TMEM192: variants seen among roughly 807,000 people sequenced by gnomAD.
The protein encoded by TMEM192 is transmembrane protein 192.
TMEM192 carries 20 observed loss-of-function variants against 26.7 expected under a neutral mutation model. The observed-to-expected ratio is 0.75, with a 90% CI of 0.53 to 1.09. The LOEUF (loss-of-function observed/expected upper bound fraction) is 1.09. Among genes scored for constraint, TMEM192 ranks in the 50% least tolerant of loss-of-function variants. The pLI is 0.00. For missense variants in TMEM192, 304 were observed against 322.6 expected (o/e 0.94, Z 0.44); for synonymous variants, 124 against 121.0 (o/e 1.02, Z -0.16).
Position 165,100,654 on chromosome 4 carries a change from CT to C in TMEM192, c.412del (p.Arg138AspfsTer4). On this transcript the variant is annotated frameshift_variant, in exon 3 of 6. Coordinates refer to ENST00000306480, the MANE Select transcript of TMEM192 (RefSeq NM_001100389.2). LOFTEE classifies it high-confidence loss of function. The part of the protein sequence containing the change: ...LIYRSTRHLK[R>X]LALMIQSSGN... ...AGAGGACTGTATCATCAACGCAAGTCTCTTGAGATGCCTTGTTGATCGGTAG... is the reference window on the plus strand; with the variant it reads ...AGAGGACTGTATCATCAACGCAAGTCCTTGAGATGCCTTGTTGATCGGTAG... 6.2e-7 allele frequency: 1 copy of C among 1,614,174 alleles called. No homozygotes were observed. The highest frequency in any genetic ancestry group is 8.5e-7 in the Non-Finnish European group (1 of 1,180,024).
At position 165,079,661 on chromosome 4, in the gene TMEM192, C is replaced by A. The variant is rs750614559; in HGVS notation, c.813G>T (p.Thr271=). 1 of 1,609,192 alleles carries A rather than the reference C, an allele frequency of 6.2e-7. No homozygotes were observed. The highest frequency in any genetic ancestry group is 8.5e-7 in the Non-Finnish European group (1 of 1,177,596). Residue 271 remains threonine (T), a synonymous_variant, in exon 6 of 6, where the codon ACG becomes ACT. Coordinates refer to ENST00000306480, the MANE Select transcript of TMEM192 (RefSeq NM_001100389.2). ...SSDLGCQPSR[T] ...TGCTGTCATGACCGTGAGCCTCTCA[C>A]GTTCTACTTGGCTGACAGCCCAGGT...
rs574351082 is a variant in TMEM192, at chr4:165,105,900, C to A, written c.28-2804G>T. Among the ~76,000 whole-genome samples the A allele has an allele frequency of 3.6e-4, 55 of 152,218 alleles. 1 individual carries two copies. The highest frequency in any genetic ancestry group is 6.5e-4 in the Non-Finnish European group (44 of 68,002). On this transcript the variant is annotated intron_variant, in intron 1 of 5. Transcript: ENST00000306480. Reference sequence around the variant, plus strand: ...GGGAAGTAATTAAGCCATGAGGGTTCCCCCCCTCATAAATGAGATCAGTGC... The same window carrying A: ...GGGAAGTAATTAAGCCATGAGGGTTACCCCCCTCATAAATGAGATCAGTGC...
In TMEM192 at chr4:165,075,606, G is replaced by A. The variant is rs1734359467; in HGVS notation, c.*4052C>T. 7.0e-6 allele frequency: 1 copy of A among 142,284 alleles called. No homozygotes were observed. The highest frequency in any genetic ancestry group is 7.5e-5 in the Admixed American group (1 of 13,412). 8.8% of individuals were successfully genotyped at this position (142,284 alleles called of 1,614,324 possible). On this transcript the variant is annotated 3_prime_UTR_variant, in exon 6 of 6. Coordinates refer to ENST00000306480, the MANE Select transcript of TMEM192 (RefSeq NM_001100389.2). ...TTTTTTTTGAGATGGAGCCTGCTCT[G>A]TGGCCCAGGCTAGAGTACAGTGGCG...
intron 3 of TMEM192, among the ~76,000 whole-genome samples, chr4:165,095,644 C>T (rs962115796): frequency 2.6e-5 from 4 of 152,276 alleles, no homozygotes; most frequent in Admixed American, 2.0e-4. Flanking sequence ...CACTTTTAGG[C>T]CCCAGAGAGA....
chr4:165,101,348 G>A (rs554694720), intron 2 of TMEM192, among the ~76,000 whole-genome samples: 5 of 151,836 alleles, frequency 3.3e-5, no homozygotes, highest in South Asian at 4.2e-4. Context: ...ATGTATTTTC[G>A]TTTTGTTTTG....
intron 3 of TMEM192, among the ~76,000 whole-genome samples, 176 bp from the exon 4 acceptor site, chr4:165,088,778 C>T (rs770681901): frequency 2.6e-5 from 4 of 152,014 alleles, no homozygotes; most frequent in Non-Finnish European, 5.9e-5. Context: ...GTGGCTCACA[C>T]CTGTAATGTC....
At chr4:165,086,420 T>TAC (rs1734617907) in intron 4 of TMEM192, among the ~76,000 whole-genome samples, 1 of 4,196 alleles carries the variant, frequency 2.4e-4, no homozygotes, top group Non-Finnish European at 1.9e-3. Context: ...CATTTACACT[T>TAC]TTTTTTTTTT....
At chr4:165,097,320 C>T (rs1038987568) in intron 3 of TMEM192, among the ~76,000 whole-genome samples, 4 of 151,956 alleles carry the variant, frequency 2.6e-5, no homozygotes, top group Non-Finnish European at 5.9e-5. Flanking sequence ...CGGTGAAACC[C>T]CGTCTCTACT....
At position 165,075,884 on chromosome 4, in the gene TMEM192, T is replaced by C. The variant is rs1734368912; in HGVS notation, c.*3774A>G. On this transcript the variant is annotated 3_prime_UTR_variant, in exon 6 of 6. Transcript: ENST00000306480. ...CACCCGACCCAAATTTTTAATATTT[T>C]TGTACTAAAAAATAGTGGCATGCAT... is the stretch of plus-strand genomic sequence containing the variant. 1 of 152,186 alleles carries C rather than the reference T, an allele frequency of 6.6e-6. No homozygotes were observed. The highest frequency in any genetic ancestry group is 2.1e-4 in the South Asian group (1 of 4,816). 9.4% of individuals were successfully genotyped at this position (152,186 alleles called of 1,614,324 possible).
intron 3 of TMEM192, among the ~76,000 whole-genome samples, chr4:165,091,789 A>G (rs1734770742): frequency 6.6e-6 from 1 of 152,194 alleles, no homozygotes; most frequent in Non-Finnish European, 1.5e-5. Context: ...AGAATTATTG[A>G]CAATTACTTC....
In TMEM192 at chr4:165,078,533, C is replaced by T. The variant is rs1203533065; in HGVS notation, c.*1125G>A. Reference sequence around the variant, plus strand: ...GGCTTTAAAAGGTATCTTTTTTTTACAGTAATTTAAAATTATAGAAGATGC... The same window carrying T: ...GGCTTTAAAAGGTATCTTTTTTTTATAGTAATTTAAAATTATAGAAGATGC... On this transcript the variant is annotated 3_prime_UTR_variant, in exon 6 of 6. Transcript: ENST00000306480. The T allele has an allele frequency of 1.3e-5, 2 of 151,916 alleles. No individual in the cohort carries two copies. The highest frequency in any genetic ancestry group is 1.9e-4 in the East Asian group (1 of 5,184). 9.4% of individuals were successfully genotyped at this position (151,916 alleles called of 1,614,324 possible). A position where few individuals can be genotyped will look rare whatever the true frequency, so the allele number is the denominator to read the frequency against.
chr4:165,094,435 G>T (rs2110768462), intron 3 of TMEM192, among the ~76,000 whole-genome samples: 1 of 152,226 alleles, frequency 6.6e-6, no homozygotes, highest in East Asian at 1.9e-4. Flanking sequence ...GGCTGGCGGT[G>T]GCTCCTGAGG....
chr4:165,111,406 G>A (rs1435970046), intron 1 of TMEM192, among the ~76,000 whole-genome samples: 1 of 152,184 alleles, frequency 6.6e-6, no homozygotes, highest in Non-Finnish European at 1.5e-5. Flanking sequence ...AGGCTCCAGT[G>A]TTTGAGGAAG....
intron 4 of TMEM192, among the ~76,000 whole-genome samples, chr4:165,086,674 T>C (rs1734624959): frequency 2.0e-5 from 3 of 151,854 alleles, no homozygotes; most frequent in Non-Finnish European, 1.5e-5. Context: ...ATCCACCCGC[T>C]GAGGCCTCCC....
rs550735849 is a variant in TMEM192, at chr4:165,073,655, G to A, written c.*6003C>T. ...CTCGTCCCTGGGAATGGAATGTCTC[G>A]GTGTAAAGCTGACCATTCCCATTCG... On this transcript the variant is annotated 3_prime_UTR_variant, in exon 6 of 6. Coordinates refer to ENST00000306480, the MANE Select transcript of TMEM192 (RefSeq NM_001100389.2). The A allele has an allele frequency of 1.3e-5, 2 of 152,290 alleles. No individual in the cohort carries two copies. The highest frequency in any genetic ancestry group is 2.1e-4 in the South Asian group (1 of 4,818). 9.4% of individuals were successfully genotyped at this position (152,290 alleles called of 1,614,324 possible). A position where few individuals can be genotyped will look rare whatever the true frequency, so the allele number is the denominator to read the frequency against.
Position 165,088,578 on chromosome 4 carries a change from AG to A in TMEM192, c.463del (p.Leu155CysfsTer30). On this transcript the variant is annotated frameshift_variant, in exon 4 of 6. Transcript: ENST00000306480. LOFTEE classifies it high-confidence loss of function. ...SSGNTVLLLILCMQHSFPEPG... is the reference protein window; with the variant it reads ...SSGNTVLLLIXCMQHSFPEPG... ...CTCTGGGAAGGAGTGCTGCATGCACAGTATGAGGAGAAGCACTGTGTTGCCT... is the reference window on the plus strand; with the variant it reads ...CTCTGGGAAGGAGTGCTGCATGCACATATGAGGAGAAGCACTGTGTTGCCT... The A allele has an allele frequency of 6.2e-7, 1 of 1,613,084 alleles. No homozygotes were observed. The highest frequency in any genetic ancestry group is 8.5e-7 in the Non-Finnish European group (1 of 1,179,566).
chr4:165,107,014 T>G (rs1735176584), intron 1 of TMEM192, among the ~76,000 whole-genome samples: 1 of 152,038 alleles, frequency 6.6e-6, no homozygotes, highest in African/African-American at 2.4e-5. Context: ...TCTCAGGATT[T>G]TTTTTCTCTC....
At chr4:165,097,755 C>G (rs1447128137) in intron 3 of TMEM192, among the ~76,000 whole-genome samples, 1 of 151,506 alleles carries the variant, frequency 6.6e-6, no homozygotes, top group East Asian at 1.9e-4. Context: ...GCTAGGACTA[C>G]AGGCACAGGC....
intron 1 of TMEM192, among the ~76,000 whole-genome samples, chr4:165,103,547 T>C (rs1281200859): frequency 3.1e-5 from 4 of 129,004 alleles, no homozygotes; most frequent in Non-Finnish European, 6.5e-5. Flanking sequence ...AGAGTTTCAC[T>C]CTTGTTGCCC....
Sources: allele counts gnomAD v4.1 joint callset (sites outside exome capture counted in the v4.1 genomes callset), GRCh38; gene constraint gnomAD v4.1.1; transcripts MANE v1.5; gene names NCBI Gene and HGNC (gene_info 2026-07-23, HGNC 2026-07-21).